Variants in AGBL1 observed in about 807,000 individuals in gnomAD.
AGBL1 encodes cytosolic carboxypeptidase 4.
Under a neutral mutation model 118.9 loss-of-function variants are expected in AGBL1, and 130 were observed. The observed-to-expected ratio is 1.09, with a 90% CI of 0.95 to 1.26. The LOEUF is 1.26. Among genes scored for constraint, AGBL1 ranks in the 50% most tolerant of loss-of-function variants. AGBL1 has a pLI of 0.00. For synonymous variants in AGBL1, 555 were observed against 478.9 expected, an observed-to-expected ratio of 1.16 and a Z score of -2.08; for missense variants, 1,584 against 1,298.1, an observed-to-expected ratio of 1.22 and a Z score of -3.38.
At chr15:86,148,877 G>C (rs368547630) in intron 3 of AGBL1, among the ~76,000 whole-genome samples, 2 of 152,204 alleles carry the variant, frequency 1.3e-5, no homozygotes, top group East Asian at 1.9e-4. Flanking sequence ...CAGCCAGAGA[G>C]AAAGGTCAAG....
At chr15:86,795,122 T>A (rs2078551011) in intron 22 of AGBL1, among the ~76,000 whole-genome samples, 1 of 152,198 alleles carries the variant, frequency 6.6e-6, no homozygotes. Context: ...TCTCCATGGC[T>A]CTGAGGGCTA....
intron 24 of AGBL1, among the ~76,000 whole-genome samples, chr15:87,003,079 GT>G (rs1359094865): frequency 6.6e-6 from 1 of 152,114 alleles, no homozygotes; most frequent in Non-Finnish European, 1.5e-5. Flanking sequence ...AATGCTTCCA[GT>G]TTTTGCCCAT....
intron 5 of AGBL1, among the ~76,000 whole-genome samples, chr15:86,196,270 G>T (rs758302496): frequency 1.3e-5 from 2 of 152,130 alleles, no homozygotes; most frequent in Non-Finnish European, 2.9e-5. Context: ...TTGATTCAGT[G>T]GCTCAGTGAT....
intron 21 of AGBL1, among the ~76,000 whole-genome samples, chr15:86,627,335 T>G (rs576343251): frequency 6.6e-6 from 1 of 152,308 alleles, no homozygotes; most frequent in East Asian, 1.9e-4. Context: ...TTGCCTATTG[T>G]CTGGGCATGG....
chr15:86,244,055 A>ATAAG (rs1373479058), intron 6 of AGBL1, among the ~76,000 whole-genome samples: 15 of 76,032 alleles, frequency 2.0e-4, no homozygotes, highest in Admixed American at 9.0e-4. Flanking sequence ...AGATAGATAG[A>ATAAG]TAAATAAGTA....
intron 18 of AGBL1, among the ~76,000 whole-genome samples, chr15:86,504,883 G>T (rs1285980438): frequency 6.6e-6 from 1 of 151,676 alleles, no homozygotes; most frequent in South Asian, 2.1e-4. Flanking sequence ...GTGGATTCTT[G>T]TTACTGTCTA....
chr15:86,306,203 A>G (rs551273603), intron 17 of AGBL1, among the ~76,000 whole-genome samples: 1 of 152,212 alleles, frequency 6.6e-6, no homozygotes, highest in South Asian at 2.1e-4. Context: ...AAAATATACA[A>G]TTAAGTTATT....
At chr15:86,946,226 A>G (rs1036878684) in intron 23 of AGBL1, 1 of 152,232 alleles carries the variant, frequency 6.6e-6, no homozygotes, top group African/African-American at 2.4e-5. Context: ...GCCTTTGGAA[A>G]AGTTGTTGAA....
At chr15:86,258,841 G>A (rs117585882) in intron 9 of AGBL1, among the ~76,000 whole-genome samples, 2,572 of 152,134 alleles carry the variant, frequency 0.017, 40 homozygotes, top group East Asian at 0.051. Flanking sequence ...CAAGTAACTG[G>A]GACTGCAGAT....
chr15:86,710,882 C>G (rs1176467329), intron 22 of AGBL1, among the ~76,000 whole-genome samples: 1 of 152,160 alleles, frequency 6.6e-6, no homozygotes, highest in Non-Finnish European at 1.5e-5. Context: ...AAGTCACAGT[C>G]TTTGAAACCT....
At chr15:86,129,765 G>A (rs2076795147) in intron 1 of AGBL1, among the ~76,000 whole-genome samples, 1 of 152,166 alleles carries the variant, frequency 6.6e-6, no homozygotes, top group South Asian at 2.1e-4. Flanking sequence ...AATACCAATA[G>A]TGCTGAGCTT....
At chr15:86,830,955 G>A (rs750751788) in intron 22 of AGBL1, among the ~76,000 whole-genome samples, 2 of 152,164 alleles carry the variant, frequency 1.3e-5, no homozygotes, top group Non-Finnish European at 2.9e-5. Flanking sequence ...AAGGAAAGAG[G>A]TTTAATGGAC....
chr15:86,787,550 T>G (rs1466905553), intron 22 of AGBL1, among the ~76,000 whole-genome samples: 1 of 152,224 alleles, frequency 6.6e-6, no homozygotes, highest in Admixed American at 6.5e-5. Context: ...CTTTTTTCCC[T>G]TAGCATGTCG....
rs181380117 is a variant in AGBL1, at chr15:86,487,644, T to A, written c.2556-35166T>A. Among the ~76,000 whole-genome samples the A allele has an allele frequency of 5.6e-3, 857 of 152,154 alleles. 3 individuals are homozygous for A. Among genetic ancestry groups the A allele is most frequent in the Non-Finnish European group, 9.8e-3 (668 of 67,986 alleles). On this transcript the variant is annotated intron_variant, in intron 18 of 22. Transcript: ENST00000614907. The stretch of plus-strand genomic sequence containing the variant: ...CATTTGGCAAGGAGGCCGAGACCAG[T>A]GCCAGACAGCAAGCTTAATGCATTT...
intron 21 of AGBL1, among the ~76,000 whole-genome samples, chr15:86,629,529 G>T (rs1313956124): frequency 6.6e-6 from 1 of 152,082 alleles, no homozygotes; most frequent in African/African-American, 2.4e-5. Context: ...TTCAGAATAA[G>T]AATAAAATAA....
intron 22 of AGBL1, among the ~76,000 whole-genome samples, chr15:86,765,239 TC>T (rs957893661): frequency 7.9e-5 from 12 of 152,016 alleles, no homozygotes; most frequent in Middle Eastern, 3.4e-3. Flanking sequence ...TTTGCCTTCT[TC>T]CCCTTGCAAA....
At chr15:86,600,581 C>T (rs950261582) in intron 21 of AGBL1, among the ~76,000 whole-genome samples, 1 of 152,040 alleles carries the variant, frequency 6.6e-6, no homozygotes, top group Non-Finnish European at 1.5e-5. Flanking sequence ...TACTCTGTCA[C>T]CCAAACAATC....
intron 22 of AGBL1, among the ~76,000 whole-genome samples, chr15:86,740,254 C>T (rs1487788385): frequency 2.6e-5 from 4 of 152,126 alleles, no homozygotes; most frequent in South Asian, 4.1e-4. Context: ...CTGGGATTGC[C>T]CCAGACCTTT....
At chr15:86,650,448 A>T (rs925350933) in intron 21 of AGBL1, among the ~76,000 whole-genome samples, 2 of 152,186 alleles carry the variant, frequency 1.3e-5, no homozygotes, top group Non-Finnish European at 2.9e-5. Flanking sequence ...TGAAAGAAAA[A>T]TAACTTCTTT....
Sources: gnomAD v4.1 joint callset for allele counts (sites outside exome capture counted in the v4.1 genomes callset) on GRCh38, gnomAD v4.1.1 for gene constraint, MANE v1.5 for transcripts, NCBI Gene and HGNC (gene_info 2026-07-23, HGNC 2026-07-21) for gene names.